Variants in SMARCAL1 observed in about 807,000 individuals in gnomAD.
SMARCAL1 encodes SNF2 related chromatin remodeling annealing helicase 1.
In SMARCAL1, 58 loss-of-function variants were observed where a neutral mutation model predicts 94.5. The ratio of observed to expected loss-of-function variants is 0.61; its 90% CI spans 0.50 to 0.76. SMARCAL1 has a LOEUF of 0.76. SMARCAL1 is among the 30% of genes least tolerant of loss of function. SMARCAL1 has a pLI of 0.00. For missense variants in SMARCAL1, 1,051 were observed against 1,177.9 expected (o/e 0.89, Z 1.58); for synonymous variants, 422 against 455.1 (o/e 0.93, Z 0.93).
intron 14 of SMARCAL1, among the ~76,000 whole-genome samples, chr2:216,469,530 C>T (rs1051256753): frequency 2.0e-5 from 3 of 151,908 alleles, no homozygotes; most frequent in South Asian, 4.2e-4. Context: ...ATGATCCGCC[C>T]GCCTCGGCCT....
chr2:216,465,299 G>A (rs1012953732), intron 13 of SMARCAL1, among the ~76,000 whole-genome samples: 4 of 152,288 alleles, frequency 2.6e-5, no homozygotes, highest in East Asian at 1.9e-4. Flanking sequence ...GCTGCTGCTC[G>A]TTAAAAGGAG....
At chr2:216,462,156 T>C (rs11888959) in intron 12 of SMARCAL1, among the ~76,000 whole-genome samples, 72,802 of 152,122 alleles carry the variant, frequency 0.48, 20,209 homozygotes, top group African/African-American at 0.78. Context: ...TGTTTCTTCA[T>C]ACTCTCATCA....
intron 11 of SMARCAL1, among the ~76,000 whole-genome samples, chr2:216,448,111 T>C (rs535848321): frequency 6.6e-6 from 1 of 152,378 alleles, no homozygotes; most frequent in African/African-American, 2.4e-5. Context: ...ATGGAAATTG[T>C]AGTCCTTAGC....
Position 216,435,222 on chromosome 2 carries a change from A to G in SMARCAL1, c.1486-116A>G, listed in dbSNP as rs995203209. The G allele has an allele frequency of 1.2e-5, 13 of 1,069,850 alleles. No individual in the cohort carries two copies. The African/African-American group carries it at 1.6e-4, about 13-fold the overall frequency. The allele number at this position is 1,069,850 out of a possible 1,614,324, so 66.3% of individuals were successfully genotyped here. A position where few individuals can be genotyped will look rare whatever the true frequency, so the allele number is the denominator to read the frequency against. ...TAGTGGCAAGTGAAGGGGCACAGGT[A>G]GGTGAGAGGAAGGTAGAGGTGATGG... On this transcript the variant is annotated intron_variant, in intron 8 of 17. Coordinates refer to ENST00000357276, the MANE Select transcript of SMARCAL1 (RefSeq NM_014140.4).
intron 10 of SMARCAL1, among the ~76,000 whole-genome samples, chr2:216,446,363 T>G (rs1694314990): frequency 6.6e-6 from 1 of 152,244 alleles, no homozygotes; most frequent in Non-Finnish European, 1.5e-5. Context: ...AAAATGAGCC[T>G]GAGTCAGGAT....
chr2:216,471,078 C>T (rs1156366448), intron 14 of SMARCAL1, among the ~76,000 whole-genome samples: 4 of 151,530 alleles, frequency 2.6e-5, no homozygotes, highest in Admixed American at 6.6e-5. Flanking sequence ...GTCACAAATC[C>T]GTTTTCAATT....
In SMARCAL1 at chr2:216,462,029, A is replaced by T. The variant is rs547369442; in HGVS notation, c.2071-2568A>T. 6.6e-5 allele frequency among the ~76,000 whole-genome samples: 10 copies of T among 152,264 alleles called. No individual in the cohort carries two copies. The South Asian group carries it at 2.1e-3, about 32-fold the overall frequency. The stretch of plus-strand genomic sequence containing the variant: ...TAATGAGAATTAGTTTTAAGGAGTA[A>T]GTTGCTGGATGGTAGGGTTTTGGCA... On this transcript the variant is annotated intron_variant, in intron 12 of 17. Transcript: ENST00000357276.
intron 10 of SMARCAL1, among the ~76,000 whole-genome samples, chr2:216,444,664 T>A (rs1694265565): frequency 6.6e-6 from 1 of 152,188 alleles, no homozygotes; most frequent in African/African-American, 2.4e-5. Flanking sequence ...ATTACAGGTG[T>A]GCAGCACTGC....
Position 216,457,362 on chromosome 2 carries a change from C to T in SMARCAL1, c.2070+6298C>T, listed in dbSNP as rs184974807. Among the ~76,000 whole-genome samples, 496 of 152,332 alleles carry T rather than the reference C, an allele frequency of 3.3e-3. 2 individuals carry two copies. Among genetic ancestry groups the T allele is most frequent in the African/African-American group, 0.012 (483 of 41,572 alleles). The stretch of plus-strand genomic sequence containing the variant: ...ACCTAATAGACATCTACAGAACTCT[C>T]CACCCCAAATCAACAGAATATACAT... On this transcript the variant is annotated intron_variant, in intron 12 of 17. Transcript: ENST00000357276.
chr2:216,432,620 T>C (rs766475330), intron 7 of SMARCAL1, 98 bp from the exon 8 acceptor site: 70 of 1,478,538 alleles, frequency 4.7e-5, no homozygotes, highest in Non-Finnish European at 6.3e-5. Context: ...GGCTGGCCAG[T>C]GAAGTGGCCT....
At chr2:216,470,056 C>A (rs1694926475) in intron 14 of SMARCAL1, among the ~76,000 whole-genome samples, 2 of 151,970 alleles carry the variant, frequency 1.3e-5, no homozygotes, top group South Asian at 2.1e-4. Context: ...GTATCCTTTG[C>A]CTGTTTTTCT....
intron 7 of SMARCAL1, among the ~76,000 whole-genome samples, chr2:216,429,854 C>G (rs1693925663): frequency 6.6e-6 from 1 of 152,140 alleles, no homozygotes; most frequent in Non-Finnish European, 1.5e-5. Context: ...ACATAGCACA[C>G]TCTGCAAAAC....
chr2:216,474,351 G>A (rs1695026681), intron 14 of SMARCAL1, among the ~76,000 whole-genome samples: 1 of 147,656 alleles, frequency 6.8e-6, no homozygotes, highest in African/African-American at 2.5e-5. Context: ...TGTTGGCCAG[G>A]CTGGTCTCAA....
At chr2:216,472,604 C>T (rs1342718763) in intron 14 of SMARCAL1, among the ~76,000 whole-genome samples, 2 of 151,274 alleles carry the variant, frequency 1.3e-5, no homozygotes, top group East Asian at 3.9e-4. Context: ...TATTAGCCAC[C>T]TCTGTGACAT....
At chr2:216,417,305 T>C (rs749925865) in intron 4 of SMARCAL1, among the ~76,000 whole-genome samples, 31 of 152,350 alleles carry the variant, frequency 2.0e-4, no homozygotes, top group South Asian at 1.4e-3. Context: ...GTTGTTAGTT[T>C]GCGAGGGCTG....
At chr2:216,457,710 C>G (rs568237624) in intron 12 of SMARCAL1, among the ~76,000 whole-genome samples, 1 of 152,162 alleles carries the variant, frequency 6.6e-6, no homozygotes, top group African/African-American at 2.4e-5. Context: ...AAATTTATAG[C>G]ACTAAATGCC....
intron 4 of SMARCAL1, among the ~76,000 whole-genome samples, chr2:216,417,096 A>G (rs1693619179): frequency 6.6e-6 from 1 of 152,178 alleles, no homozygotes; most frequent in Non-Finnish European, 1.5e-5. Context: ...AGAAAGGAAA[A>G]GATAAGGATG....
intron 14 of SMARCAL1, among the ~76,000 whole-genome samples, chr2:216,472,504 T>C (rs1194945405): frequency 6.6e-6 from 1 of 152,082 alleles, no homozygotes; most frequent in Non-Finnish European, 1.5e-5. Context: ...GTGTGTATTA[T>C]TTTTATAATA....
intron 6 of SMARCAL1, among the ~76,000 whole-genome samples, chr2:216,424,305 A>T: frequency 6.6e-6 from 1 of 152,240 alleles, no homozygotes; most frequent in Non-Finnish European, 1.5e-5. Flanking sequence ...GGGGCAATAA[A>T]TTCTAATATG....
Sources: allele counts gnomAD v4.1 joint callset (sites outside exome capture counted in the v4.1 genomes callset), GRCh38; gene constraint gnomAD v4.1.1; transcripts MANE v1.5; gene names NCBI Gene and HGNC (gene_info 2026-07-23, HGNC 2026-07-21).